The following TRPM6 variants were observed in gnomAD, a reference collection of about 807,000 sequenced individuals.
TRPM6 encodes transient receptor potential cation channel subfamily M member 6, also known as channel kinase 2.
A neutral mutation model predicts 247.6 loss-of-function variants in TRPM6; 111 were observed. The ratio of observed to expected loss-of-function variants is 0.45; its 90% CI spans 0.38 to 0.52. The LOEUF is 0.52. Ranked by LOEUF, TRPM6 falls within the 20% of genes least tolerant of loss-of-function variation. The pLI, the probability that TRPM6 is intolerant of heterozygous loss-of-function variation, is 0.00. For synonymous variants in TRPM6, 892 were observed against 853.8 expected, an observed-to-expected ratio of 1.04 and a Z score of -0.78; for missense variants, 2,126 against 2,421.5, an observed-to-expected ratio of 0.88 and a Z score of 2.56.
At chr9:74,794,661 A>G (rs1400917916) in intron 18 of TRPM6, among the ~76,000 whole-genome samples, 1 of 152,152 alleles carries the variant, frequency 6.6e-6, no homozygotes, top group East Asian at 1.9e-4. Context: ...GGAGTGTTTC[A>G]TTAGCTCTTA....
At chr9:74,775,822 C>A in intron 24 of TRPM6, 61 bp downstream of exon 24, 2 of 1,539,712 alleles carry the variant, frequency 1.3e-6, no homozygotes, top group Non-Finnish European at 1.8e-6. Flanking sequence ...TACTCCAGTG[C>A]ATCTTTGCCT....
At chr9:74,882,867 G>A (rs1460320393) in intron 1 of TRPM6, among the ~76,000 whole-genome samples, 1 of 152,134 alleles carries the variant, frequency 6.6e-6, no homozygotes, top group Non-Finnish European at 1.5e-5. Flanking sequence ...TGTTTTAATT[G>A]TGGTAAAATA....
intron 25 of TRPM6, 93 bp from the exon 26 acceptor site, chr9:74,763,227 T>C: frequency 4.0e-6 from 5 of 1,246,830 alleles, no homozygotes; most frequent in Non-Finnish European, 5.7e-6. Context: ...AAATGGCTCC[T>C]GAGCCTCAGC....
rs899727343 is a variant in TRPM6 at position 74,878,809 on chromosome 9, A to C, written c.33+9015T>G. Reference sequence around the variant, plus strand: ...AAATTCATAAAACCCAGGAAAAAGAAATCAAACTAATGACATTAAAGAAGC... The same window carrying C: ...AAATTCATAAAACCCAGGAAAAAGACATCAAACTAATGACATTAAAGAAGC... On this transcript the variant is annotated intron_variant, in intron 1 of 38. Coordinates refer to ENST00000360774, the MANE Select transcript of TRPM6 (RefSeq NM_017662.5). Among the ~76,000 whole-genome samples, 5 of 152,154 alleles carry C rather than the reference A, an allele frequency of 3.3e-5. No individual in the cohort carries two copies. The East Asian group carries it at 7.7e-4, about 23-fold the overall frequency.
At position 74,792,582 on chromosome 9, in the gene TRPM6, AATC is replaced by A. The variant is rs772130073; in HGVS notation, c.2538+39_2538+41del. The A allele has an allele frequency of 1.9e-5, 30 of 1,598,564 alleles. No individual in the cohort carries two copies. In the South Asian group the frequency reaches 3.3e-4, roughly 18 times the overall value. On this transcript the variant is annotated intron_variant, in intron 19 of 38. Transcript: ENST00000360774. ...ATTATCAACATCATCACTAGCTATC[AATC>A]ATCATTAATCCGACATATATTGTTG...
intron 31 of TRPM6, among the ~76,000 whole-genome samples, chr9:74,744,477 A>C (rs1458698555): frequency 6.6e-6 from 1 of 152,178 alleles, no homozygotes; most frequent in African/African-American, 2.4e-5. Flanking sequence ...GACATCCCAG[A>C]AGCATGATTC....
chr9:74,819,401 T>C lies in TRPM6; in HGVS notation c.1134+903A>G, dbSNP rs141897951. On this transcript the variant is annotated intron_variant, in intron 9 of 38. Coordinates refer to ENST00000360774, the MANE Select transcript of TRPM6 (RefSeq NM_017662.5). ...GCTCATGCCTATAATCCCAGCACTT[T>C]AGGAGACCAAGGCAAGAGGATCACT... Among the ~76,000 whole-genome samples the C allele has an allele frequency of 1.9e-3, 286 of 152,202 alleles. 6 individuals are homozygous for C. Among genetic ancestry groups the C allele is most frequent in the African/African-American group, 6.5e-3 (271 of 41,528 alleles).
rs566356792 is a variant in TRPM6 at position 74,874,244 on chromosome 9, A to C, written c.33+13580T>G. ...GAGTGAGAATCTGTCTTAAAAACAA[A>C]AAAAAAAAAAAAACAAGAATTAGAG... On this transcript the variant is annotated intron_variant, in intron 1 of 38. Transcript: ENST00000360774. Among the ~76,000 whole-genome samples, 237 of 149,848 alleles carry C rather than the reference A, an allele frequency of 1.6e-3. 4 individuals carry two copies. The highest frequency in any genetic ancestry group is 4.4e-3 in the South Asian group (21 of 4,770).
At chr9:74,837,455 T>C (rs898235657) in intron 5 of TRPM6, among the ~76,000 whole-genome samples, 4 of 149,244 alleles carry the variant, frequency 2.7e-5, no homozygotes, top group Non-Finnish European at 4.5e-5. Flanking sequence ...GTTGTTTTCT[T>C]TTTTTTTTTT....
chr9:74,875,211 G>A, intron 1 of TRPM6: 1 of 453,752 alleles, frequency 2.2e-6, no homozygotes, highest in Non-Finnish European at 4.4e-6. Context: ...ATTCAGAGAT[G>A]TTGGCCTGCA....
rs556084658 is a variant in TRPM6, at chr9:74,805,600, T to C, written c.1639-1714A>G. On this transcript the variant is annotated intron_variant, in intron 14 of 38. Coordinates refer to ENST00000360774, the MANE Select transcript of TRPM6 (RefSeq NM_017662.5). ...TATCTGTGAATGTGAATTTTTCACA[T>C]TTTCACCTGGACGAAAATTTGAAAG... Among the ~76,000 whole-genome samples, 10 of 152,320 alleles carry C rather than the reference T, an allele frequency of 6.6e-5. No homozygotes were observed. The East Asian group carries it at 1.5e-3, about 24-fold the overall frequency.
chr9:74,834,386 C>G (rs1405336418), intron 5 of TRPM6, among the ~76,000 whole-genome samples: 3 of 152,276 alleles, frequency 2.0e-5, no homozygotes, highest in Non-Finnish European at 2.9e-5. Context: ...CAGATCCGAT[C>G]CTACTCTTGC....
At chr9:74,827,635 T>G (rs1829386285) in intron 7 of TRPM6, 143 bp downstream of exon 7, 3 of 811,760 alleles carry the variant, frequency 3.7e-6, no homozygotes, top group Non-Finnish European at 6.5e-6. Flanking sequence ...GAGATGCCCA[T>G]GTGGGAAGGG....
At chr9:74,868,531 C>T (rs1587599806) in intron 1 of TRPM6, among the ~76,000 whole-genome samples, 1 of 151,998 alleles carries the variant, frequency 6.6e-6, no homozygotes, top group Admixed American at 6.6e-5. Flanking sequence ...TAAAAAGTGT[C>T]CCAAATGCCA....
At chr9:74,769,976 C>A (rs954811664) in intron 25 of TRPM6, among the ~76,000 whole-genome samples, 3 of 152,008 alleles carry the variant, frequency 2.0e-5, no homozygotes, top group Admixed American at 2.0e-4. Context: ...TATAAAGGGG[C>A]GCAGAACGTG....
intron 14 of TRPM6, among the ~76,000 whole-genome samples, chr9:74,806,866 A>T (rs1429439170): frequency 6.6e-6 from 1 of 152,178 alleles, no homozygotes; most frequent in East Asian, 1.9e-4. Context: ...TCTGCACTCC[A>T]CTGGAAGACA....
At chr9:74,887,434 TC>T in intron 1 of TRPM6, 1 of 1,139,712 alleles carries the variant, frequency 8.8e-7, no homozygotes. Flanking sequence ...GATTCTCAGC[TC>T]AAGCCACCTC....
intron 33 of TRPM6, among the ~76,000 whole-genome samples, chr9:74,740,475 T>C (rs541388047): frequency 1.4e-4 from 21 of 152,314 alleles, no homozygotes; most frequent in Middle Eastern, 3.4e-3. Flanking sequence ...CAGAAGTGTT[T>C]CAAATTTTAG....
intron 3 of TRPM6, among the ~76,000 whole-genome samples, chr9:74,851,183 T>C (rs569717286): frequency 6.6e-6 from 1 of 152,166 alleles, no homozygotes; most frequent in African/African-American, 2.4e-5. Flanking sequence ...TATATATTCA[T>C]GTTTGTCTCT....
Sources: gnomAD v4.1 joint callset for allele counts (sites outside exome capture counted in the v4.1 genomes callset) on GRCh38, gnomAD v4.1.1 for gene constraint, MANE v1.5 for transcripts, NCBI Gene and HGNC (gene_info 2026-07-23, HGNC 2026-07-21) for gene names.